The following PSEN1 variants were observed in gnomAD, a reference collection of about 807,000 sequenced individuals.
PSEN1 encodes presenilin 1.
Under a neutral mutation model 53.5 loss-of-function variants are expected in PSEN1, and 15 were observed. The ratio of observed to expected loss-of-function variants is 0.28; its 90% CI spans 0.19 to 0.43. The LOEUF (loss-of-function observed/expected upper bound fraction) is 0.43, where lower values mean the gene tolerates loss of function less well. PSEN1 is among the 20% of genes least tolerant of loss of function. The pLI, the probability that PSEN1 is intolerant of heterozygous loss-of-function variation, is 1.00. For synonymous variants in PSEN1, 208 were observed against 209.8 expected (o/e 0.99, Z 0.08); for missense variants, 387 against 571.2 (o/e 0.68, Z 3.29).
intron 4 of PSEN1, among the ~76,000 whole-genome samples, chr14:73,172,010 TC>T: frequency 6.6e-6 from 1 of 152,330 alleles, no homozygotes; most frequent in South Asian, 2.1e-4. Context: ...ATGCCTAATT[TC>T]CTTCTTTATT....
chr14:73,192,523 A>G, intron 6 of PSEN1, 121 bp from the exon 7 acceptor site: 1 of 741,412 alleles, frequency 1.3e-6, no homozygotes. Flanking sequence ...GATATAGGTT[A>G]TGGTAAAATT....
chr14:73,206,252 T>G (rs1429489764), intron 8 of PSEN1, 134 bp from the exon 9 acceptor site: 18 of 707,028 alleles, frequency 2.5e-5, no homozygotes, highest in Non-Finnish European at 4.6e-5. Flanking sequence ...TTTTTATTTT[T>G]ACTTCTGATT....
At chr14:73,191,550 TTTC>T (rs1281817006) in intron 6 of PSEN1, among the ~76,000 whole-genome samples, 2 of 152,054 alleles carry the variant, frequency 1.3e-5, no homozygotes, top group Admixed American at 1.3e-4. Flanking sequence ...ATATTTTTTT[TTTC>T]TTTTCTTTTT....
Position 73,162,052 on chromosome 14 carries a change from G to A in PSEN1, c.88-8745G>A, listed in dbSNP as rs190928472. ...AACCAAACCAGGTGTGGTGATAAGT[G>A]CCTGTAATCCCAGCTACTCGGGAGA... On this transcript the variant is annotated intron_variant, in intron 3 of 11. Transcript: ENST00000324501. Among the ~76,000 whole-genome samples, 3 of 149,408 alleles carry A rather than the reference G, an allele frequency of 2.0e-5. No individual in the cohort carries two copies. The East Asian group carries it at 5.9e-4, about 29-fold the overall frequency.
At chr14:73,145,387 T>G (rs1348559787) in intron 1 of PSEN1, among the ~76,000 whole-genome samples, 1 of 152,062 alleles carries the variant, frequency 6.6e-6, no homozygotes, top group Non-Finnish European at 1.5e-5. Flanking sequence ...CAGGCTGGAG[T>G]GTAGTGATGC....
At chr14:73,185,173 G>A (rs1394569289) in intron 5 of PSEN1, among the ~76,000 whole-genome samples, 3 of 152,116 alleles carry the variant, frequency 2.0e-5, no homozygotes, top group Non-Finnish European at 4.4e-5. Flanking sequence ...GGGCGGCCAG[G>A]CAGAGACGCT....
chr14:73,150,194 A>C (rs894436970), intron 3 of PSEN1, among the ~76,000 whole-genome samples: 1 of 152,208 alleles, frequency 6.6e-6, no homozygotes, highest in Non-Finnish European at 1.5e-5. Flanking sequence ...TTTTTTTGAT[A>C]AGCTTTTTTT....
chr14:73,206,927 A>G (rs1338938755), intron 9 of PSEN1, among the ~76,000 whole-genome samples: 3 of 152,254 alleles, frequency 2.0e-5, no homozygotes, highest in African/African-American at 7.2e-5. Flanking sequence ...CTTGTCTAAC[A>G]TGGCCAGAAT....
Position 73,211,666 on chromosome 14 carries a change from CCAGCTAGTTACAATGA to C in PSEN1, c.956-91_956-76del, listed in dbSNP as rs942471505. ...CAGCCCATGCTTTGTGGTTTAAGGG[CCAGCTAGTTACAATGA>C]CAGCTAGTTACTGTTTCCATGTAAT... On this transcript the variant is annotated intron_variant, in intron 9 of 11. Transcript: ENST00000324501. The C allele has an allele frequency of 3.0e-5, 38 of 1,276,180 alleles. No individual in the cohort carries two copies. In the African/African-American group the frequency reaches 5.4e-4, roughly 18 times the overall value. 79.1% of individuals were successfully genotyped at this position (1,276,180 alleles called of 1,614,324 possible).
chr14:73,184,327 G>C (rs1486014998), intron 5 of PSEN1, among the ~76,000 whole-genome samples: 1 of 109,406 alleles, frequency 9.1e-6, no homozygotes, highest in African/African-American at 4.0e-5. Flanking sequence ...CCTCCCGGAC[G>C]GGGCGGCTGG....
intron 5 of PSEN1, among the ~76,000 whole-genome samples, chr14:73,178,108 C>T (rs556813523): frequency 7.4e-5 from 11 of 148,562 alleles, no homozygotes; most frequent in South Asian, 2.1e-4. Flanking sequence ...TTAGTAGAGA[C>T]GGGGTTTTAC....
intron 1 of PSEN1, among the ~76,000 whole-genome samples, chr14:73,140,587 A>G (rs1382573507): frequency 6.6e-6 from 1 of 151,858 alleles, no homozygotes; most frequent in Non-Finnish European, 1.5e-5. Flanking sequence ...GTGATTTAAA[A>G]CTATTCATTT....
intron 3 of PSEN1, among the ~76,000 whole-genome samples, chr14:73,152,005 G>A (rs184600168): frequency 0.032 from 4,287 of 133,960 alleles, 209 homozygotes; most frequent in African/African-American, 0.12. Context: ...TCTGCATCCC[G>A]GGTTCACGCC....
At chr14:73,152,123 G>A (rs1897248924) in intron 3 of PSEN1, among the ~76,000 whole-genome samples, 1 of 146,814 alleles carries the variant, frequency 6.8e-6, no homozygotes, top group Non-Finnish European at 1.5e-5. Context: ...GTGTTAGCCA[G>A]GATGGTCTCG....
At chr14:73,138,931 C>T (rs893889000) in intron 1 of PSEN1, among the ~76,000 whole-genome samples, 6 of 149,322 alleles carry the variant, frequency 4.0e-5, no homozygotes, top group African/African-American at 9.9e-5. Flanking sequence ...CGCGCCACTG[C>T]ACTCCAGCCT....
chr14:73,219,275 C>T lies in PSEN1; in HGVS notation c.1390C>T (p.Gln464Ter), dbSNP rs779764234. The T allele has an allele frequency of 6.2e-7, 1 of 1,613,470 alleles. No homozygotes were observed. Among genetic ancestry groups the T allele is most frequent in the Non-Finnish European group, 8.5e-7 (1 of 1,179,490 alleles). ...TTTTATGGACCAATTAGCATTCCAT[C>T]AATTTTATATCTAGCATATTTGCGG... is the stretch of plus-strand genomic sequence containing the variant. ...QPFMDQLAFH[Q>*]FYI The change falls in exon 12 of 12, where the codon CAA becomes TAA. Residue 464 changes from glutamine (Q) to a stop codon, truncating the protein, a stop_gained. Coordinates refer to ENST00000324501, the MANE Select transcript of PSEN1 (RefSeq NM_000021.4). LOFTEE classifies it high-confidence loss of function.
intron 10 of PSEN1, among the ~76,000 whole-genome samples, chr14:73,216,583 AC>A (rs35642104): frequency 1.3e-5 from 2 of 151,980 alleles, no homozygotes; most frequent in African/African-American, 4.8e-5. Flanking sequence ...ACATGGTGAA[AC>A]CCTGTCTCCA....
At chr14:73,157,226 A>G (rs1897385334) in intron 3 of PSEN1, among the ~76,000 whole-genome samples, 1 of 150,512 alleles carries the variant, frequency 6.6e-6, no homozygotes, top group Non-Finnish European at 1.5e-5. Context: ...CCTGGGTTCA[A>G]GCGATTCTCC....
chr14:73,184,850 G>A (rs1428282373), intron 5 of PSEN1, among the ~76,000 whole-genome samples: 3 of 151,288 alleles, frequency 2.0e-5, no homozygotes, highest in Non-Finnish European at 4.4e-5. Context: ...CTTCCCAGAC[G>A]GGGCGGCTGC....
Sources: gnomAD v4.1 joint callset for allele counts (sites outside exome capture counted in the v4.1 genomes callset) on GRCh38, gnomAD v4.1.1 for gene constraint, MANE v1.5 for transcripts, NCBI Gene and HGNC (gene_info 2026-07-23, HGNC 2026-07-21) for gene names.